Variants in SARM1 observed in about 807,000 individuals in gnomAD.
SARM1 encodes NAD(+) hydrolase SARM1.
A neutral mutation model predicts 65.1 loss-of-function variants in SARM1; 60 were observed. That is an observed-to-expected ratio of 0.92 (90% CI 0.75 to 1.14). The LOEUF is 1.14. Among genes scored for constraint, SARM1 ranks in the 50% most tolerant of loss-of-function variants. The pLI is 0.00. For missense variants in SARM1, 913 were observed against 1,015.7 expected (o/e 0.90, Z 1.37); for synonymous variants, 417 against 465.4 (o/e 0.90, Z 1.34).
intron 2 of SARM1, among the ~76,000 whole-genome samples, chr17:28,383,433 C>CAACA (rs1555585548): frequency 4.4e-4 from 67 of 152,298 alleles, no homozygotes; most frequent in African/African-American, 1.4e-3. Flanking sequence ...CCTCTTTCAA[C>CAACA]ATCCAGTGTT....
Position 28,399,897 on chromosome 17 carries a change from C to CTTT in SARM1, c.*3621_*3623dup. 5.9e-6 allele frequency: 3 copies of CTTT among 506,798 alleles called. No individual in the cohort carries two copies. The highest frequency in any genetic ancestry group is 3.5e-5 in the East Asian group (1 of 28,750). The allele number at this position is 506,798 out of a possible 1,614,324, so 31.4% of individuals were successfully genotyped here. A position where few individuals can be genotyped will look rare whatever the true frequency, so the allele number is the denominator to read the frequency against. ...CCAGGGACATGGCTCTGGAAAATAA[C>CTTT]TTTTTTTTTTTTAAGAGACAGGGTC... On this transcript the variant is annotated 3_prime_UTR_variant, in exon 9 of 9. Transcript: ENST00000585482.
At chr17:28,390,145 G>T (rs2068072986) in intron 7 of SARM1, among the ~76,000 whole-genome samples, 1 of 152,176 alleles carries the variant, frequency 6.6e-6, no homozygotes. Context: ...GTTCAGAAAG[G>T]CAGGACAGCT....
chr17:28,372,456 G>T lies in SARM1; in HGVS notation c.424G>T (p.Val142Leu), dbSNP rs956063846. 2.6e-6 allele frequency: 4 copies of T among 1,530,842 alleles called. No individual in the cohort carries two copies. The Admixed American group carries it at 5.9e-5, about 23-fold the overall frequency. The allele number at this position is 1,530,842 out of a possible 1,614,324, so 94.8% of individuals were successfully genotyped here. Residue 142 changes from valine (V) to leucine (L), a missense_variant, in exon 1 of 9, where the codon GTG (valine) becomes TTG (leucine). By Grantham distance (32) the Val-to-Leu change is conservative (BLOSUM62 1). This residue lies in a region of SARM1 where 862 missense variants were observed against 952.1 expected (regional missense o/e 0.91). Coordinates refer to ENST00000585482, the MANE Select transcript of SARM1 (RefSeq NM_015077.4). The surrounding 1 kb of genome is among the most constrained non-coding windows in gnomAD (Gnocchi z 5.2). ...LLQAPELETR[V>L]QAARLLEQIL... ...GCAGGCGCCGGAGTTGGAGACGCGT[G>T]TGCAGGCCGCGCGCCTGCTGGAGCA...
intron 2 of SARM1, among the ~76,000 whole-genome samples, chr17:28,383,328 C>G (rs117335353): frequency 6.6e-6 from 1 of 152,108 alleles, no homozygotes; most frequent in Non-Finnish European, 1.5e-5. Context: ...GAGCTGGAAT[C>G]GCACCACTGC....
Position 28,396,269 on chromosome 17 carries a change from C to A in SARM1, c.2158C>A (p.Pro720Thr). Residue 720 changes from proline to threonine, a missense_variant, in exon 9 of 9, where the codon CCC (proline) becomes ACC (threonine). Physicochemically the swap from Pro to Thr is conservative, Grantham distance 38. Transcript: ENST00000585482. The part of the protein sequence containing the change: ...GSDTSLEGAA[P>T]MGPT ...TGACACCAGTTTGGAGGGTGCTGCA[C>A]CCATGGGTCCAACCTAACCAGTCCC... 3 of 1,614,004 alleles carry A rather than the reference C, an allele frequency of 1.9e-6. No homozygotes were observed. Among genetic ancestry groups the A allele is most frequent in the Non-Finnish European group, 2.5e-6 (3 of 1,179,886 alleles).
chr17:28,385,302 C>A lies in SARM1; in HGVS notation c.1630+27C>A. 1 of 1,443,892 alleles carries A rather than the reference C, an allele frequency of 6.9e-7. No individual in the cohort carries two copies. Among genetic ancestry groups the A allele is most frequent in the Non-Finnish European group, 9.2e-7 (1 of 1,083,220 alleles). The allele number at this position is 1,443,892 out of a possible 1,614,324, so 89.4% of individuals were successfully genotyped here. On this transcript the variant is annotated intron_variant, in intron 5 of 8. Coordinates refer to ENST00000585482, the MANE Select transcript of SARM1 (RefSeq NM_015077.4). The surrounding 1 kb of genome is among the most constrained non-coding windows in gnomAD (Gnocchi z 4.5). ...TCAGCCCGCTCACCCGGGACCCCGC[C>A]CCAGCCCCAGCCCCAGCCACGGCCC...
chr17:28,386,978 A>C (rs1303633341), intron 5 of SARM1, among the ~76,000 whole-genome samples: 1 of 152,146 alleles, frequency 6.6e-6, no homozygotes, highest in Non-Finnish European at 1.5e-5. Flanking sequence ...GCCTCAAGCA[A>C]TCTTCCCAAC....
chr17:28,396,383 C>T lies in SARM1; in HGVS notation c.*97C>T. 3 of 1,464,900 alleles carry T rather than the reference C, an allele frequency of 2.0e-6. No homozygotes were observed. In the South Asian group the frequency reaches 3.7e-5, roughly 18 times the overall value. The allele number at this position is 1,464,900 out of a possible 1,614,324, so 90.7% of individuals were successfully genotyped here. On this transcript the variant is annotated 3_prime_UTR_variant, in exon 9 of 9. Coordinates refer to ENST00000585482, the MANE Select transcript of SARM1 (RefSeq NM_015077.4). ...ACCAGTCTCCCTGGGCTGAGACAAC[C>T]TGGGCTCTTCTTAGGAAATGGCTCT...
intron 7 of SARM1, among the ~76,000 whole-genome samples, chr17:28,390,513 G>A (rs2068074584): frequency 2.6e-5 from 4 of 152,040 alleles, no homozygotes; most frequent in Admixed American, 2.6e-4. Context: ...ATATATTTGG[G>A]GTTAAAATAT....
Position 28,400,616 on chromosome 17 carries a change from A to G in SARM1, c.*4330A>G. ...GTTCAGGGCCCTGCATTACCCAATC[A>G]GAACAGCCGGGATGAGCAGGAGGCC... On this transcript the variant is annotated 3_prime_UTR_variant, in exon 9 of 9. Coordinates refer to ENST00000585482, the MANE Select transcript of SARM1 (RefSeq NM_015077.4). The G allele has an allele frequency of 6.2e-7, 1 of 1,613,744 alleles. No homozygotes were observed. Among genetic ancestry groups the G allele is most frequent in the Non-Finnish European group, 8.5e-7 (1 of 1,179,776 alleles).
At position 28,372,511 on chromosome 17, in the gene SARM1, G is replaced by A; in HGVS notation, c.470+9G>A. 1 of 1,520,426 alleles carries A rather than the reference G, an allele frequency of 6.6e-7. No homozygotes were observed. The highest frequency in any genetic ancestry group is 8.8e-7 in the Non-Finnish European group (1 of 1,140,364). The allele number at this position is 1,520,426 out of a possible 1,614,324, so 94.2% of individuals were successfully genotyped here. A position where few individuals can be genotyped will look rare whatever the true frequency, so the allele number is the denominator to read the frequency against. Reference sequence around the variant, plus strand: ...CTGGTGGCTGAGAACCGGTGAGCGCGCCAGGCCGGGGTTGGGAGAGCGCCG... The same window carrying A: ...CTGGTGGCTGAGAACCGGTGAGCGCACCAGGCCGGGGTTGGGAGAGCGCCG... On this transcript the variant is annotated intron_variant, in intron 1 of 8. Transcript: ENST00000585482. This position sits in a 1 kb window ranked among gnomAD's most constrained non-coding sequence, Gnocchi z 5.2.
At position 28,400,728 on chromosome 17, in the gene SARM1, C is replaced by T; in HGVS notation, c.*4442C>T. On this transcript the variant is annotated 3_prime_UTR_variant, in exon 9 of 9. Coordinates refer to ENST00000585482, the MANE Select transcript of SARM1 (RefSeq NM_015077.4). ...AAGATGCCGGAGGCCGTCAGCATGG[C>T]CAGGCTATTCACACAGGCCACAGCA... The T allele has an allele frequency of 1.3e-6, 2 of 1,597,950 alleles. No homozygotes were observed. Among genetic ancestry groups the T allele is most frequent in the South Asian group, 1.1e-5 (1 of 88,740 alleles).
Position 28,381,804 on chromosome 17 carries a change from C to G in SARM1, c.1072C>G (p.Leu358Val). 1 of 1,450,624 alleles carries G rather than the reference C, an allele frequency of 6.9e-7. No individual in the cohort carries two copies. The highest frequency in any genetic ancestry group is 1.4e-5 in the African/African-American group (1 of 69,184). 89.9% of individuals were successfully genotyped at this position (1,450,624 alleles called of 1,614,324 possible). A position where few individuals can be genotyped will look rare whatever the true frequency, so the allele number is the denominator to read the frequency against. Residue 358 changes from leucine (L) to valine (V), a missense_variant, in exon 2 of 9, where the codon CTG becomes GTG. Coordinates refer to ENST00000585482, the MANE Select transcript of SARM1 (RefSeq NM_015077.4). ...CTGCGCCGAGGCTGCCATCAAGAGC[C>G]TGCAAGGCAAGACCAAGGTGGGTGC... is the stretch of plus-strand genomic sequence containing the variant. ...YLCAEAAIKS[L>V]QGKTKVFSDI...
At chr17:28,376,627 CTTTTGT>C (rs566090676) in intron 1 of SARM1, among the ~76,000 whole-genome samples, 153 of 151,936 alleles carry the variant, frequency 1.0e-3, no homozygotes, top group Admixed American at 3.6e-3. Flanking sequence ...TCCTTCTTAT[CTTTTGT>C]TTTTGTTTTT....
chr17:28,396,176 G>A lies in SARM1; in HGVS notation c.2065G>A (p.Glu689Lys). The A allele has an allele frequency of 1.2e-6, 2 of 1,613,936 alleles. No homozygotes were observed. Among genetic ancestry groups the A allele is most frequent in the Non-Finnish European group, 1.7e-6 (2 of 1,179,870 alleles). The change falls in exon 9 of 9, where the codon GAG (glutamate) becomes AAG (lysine). Residue 689 changes from glutamate (E) to lysine (K), a missense_variant. Glu to Lys is a moderately conservative substitution (Grantham distance 56). Coordinates refer to ENST00000585482, the MANE Select transcript of SARM1 (RefSeq NM_015077.4). ...CCACAGGTGGTCCCACGAATACCAG[G>A]AGGCCACCATTGAGAAGATCATCCG... ...NGIKWSHEYQ[E>K]ATIEKIIRFL...
intron 1 of SARM1, among the ~76,000 whole-genome samples, chr17:28,375,326 A>C (rs1365769947): frequency 1.3e-5 from 2 of 150,894 alleles, no homozygotes; most frequent in Non-Finnish European, 2.9e-5. Flanking sequence ...GGCCAGGAGC[A>C]GTGTCTCATG....
intron 7 of SARM1, among the ~76,000 whole-genome samples, chr17:28,394,570 G>A (rs1161797143): frequency 6.6e-6 from 1 of 152,134 alleles, no homozygotes; most frequent in Non-Finnish European, 1.5e-5. Context: ...GTTTGATTTG[G>A]CTACAAATTC....
At chr17:28,387,466 CA>C (rs2068057682) in intron 5 of SARM1, among the ~76,000 whole-genome samples, 1 of 151,928 alleles carries the variant, frequency 6.6e-6, no homozygotes, top group Non-Finnish European at 1.5e-5. Context: ...TCAAGTGATC[CA>C]CCCACCTTGG....
intron 5 of SARM1, among the ~76,000 whole-genome samples, chr17:28,387,014 C>T (rs1171189406): frequency 2.0e-5 from 3 of 152,124 alleles, no homozygotes; most frequent in South Asian, 2.1e-4. Context: ...GTTGAGATTA[C>T]GGGCGTGGGC....
Sources: allele counts gnomAD v4.1 joint callset (sites outside exome capture counted in the v4.1 genomes callset), GRCh38; gene constraint gnomAD v4.1.1; regional missense constraint gnomAD v4.1.1; non-coding constraint Gnocchi (gnomAD v3.1); transcripts MANE v1.5; gene names NCBI Gene and HGNC (gene_info 2026-07-23, HGNC 2026-07-21).